The following HHAT variants were observed in gnomAD, a reference collection of about 807,000 sequenced individuals.
The protein encoded by HHAT is hedgehog acyltransferase, also known as protein-cysteine N-palmitoyltransferase HHAT.
In HHAT, 47 loss-of-function variants were observed where a neutral mutation model predicts 70.8. The observed-to-expected ratio is 0.66, with a 90% CI of 0.53 to 0.85. HHAT has a LOEUF of 0.85. Among genes scored for constraint, HHAT ranks in the 40% least tolerant of loss-of-function variants. The probability of loss-of-function intolerance (pLI) is 0.00; values close to 1 mark genes in which losing one functional copy is unlikely to be tolerated. For missense variants in HHAT, 609 were observed against 604.8 expected (o/e 1.01, Z -0.07); for synonymous variants, 228 against 247.6 (o/e 0.92, Z 0.74).
At chr1:210,475,876 C>T (rs1401867437) in intron 8 of HHAT, among the ~76,000 whole-genome samples, 1 of 150,226 alleles carries the variant, frequency 6.7e-6, no homozygotes, top group Non-Finnish European at 1.5e-5. Flanking sequence ...AAAAAAAAAT[C>T]CCTGTTAGGA....
At chr1:210,638,867 T>G (rs1672440938) in intron 11 of HHAT, among the ~76,000 whole-genome samples, 1 of 152,064 alleles carries the variant, frequency 6.6e-6, no homozygotes, top group Non-Finnish European at 1.5e-5. Flanking sequence ...ATCACACCAC[T>G]GCACCCCAGC....
chr1:210,594,959 C>A (rs1451953858), intron 10 of HHAT, among the ~76,000 whole-genome samples: 3 of 61,404 alleles, frequency 4.9e-5, no homozygotes, highest in Admixed American at 2.4e-4. Context: ...CGTTGCTTTT[C>A]AGATTCTTTT....
chr1:210,628,516 G>T lies in HHAT; in HGVS notation c.1390+4846G>T, dbSNP rs143737004. 4.8e-3 allele frequency among the ~76,000 whole-genome samples: 723 copies of T among 152,130 alleles called. 3 individuals are homozygous for T. The highest frequency in any genetic ancestry group is 8.0e-3 in the Non-Finnish European group (542 of 67,984). On this transcript the variant is annotated intron_variant, in intron 11 of 11. Coordinates refer to ENST00000261458, the MANE Select transcript of HHAT (RefSeq NM_018194.6). The stretch of plus-strand genomic sequence containing the variant: ...TGCACACGTACACACATGGATGTTT[G>T]TTTTTCCTTCTATTATCCTATCTAT...
At chr1:210,338,805 TGGTGGCA>T (rs2085742582) in intron 1 of HHAT, among the ~76,000 whole-genome samples, 1 of 152,204 alleles carries the variant, frequency 6.6e-6, no homozygotes, top group Non-Finnish European at 1.5e-5. Context: ...AGAAGAGGAC[TGGTGGCA>T]GAAGAAATCC....
rs899581300 is a variant in HHAT, at chr1:210,513,011, C to T, written c.1008-142C>T. 4 of 561,846 alleles carry T rather than the reference C, an allele frequency of 7.1e-6. No individual in the cohort carries two copies. In the East Asian group the frequency reaches 1.0e-4, roughly 14 times the overall value. The allele number at this position is 561,846 out of a possible 1,614,324, so 34.8% of individuals were successfully genotyped here. On this transcript the variant is annotated intron_variant, in intron 8 of 11. Coordinates refer to ENST00000261458, the MANE Select transcript of HHAT (RefSeq NM_018194.6). ...CAAGTTCCCAGGAATGCTGCTGCTCCAGCAGCCACATCTTGAGAACTACTG... is the reference window on the plus strand; with the variant it reads ...CAAGTTCCCAGGAATGCTGCTGCTCTAGCAGCCACATCTTGAGAACTACTG...
chr1:210,335,534 T>C (rs532868956), intron 1 of HHAT, among the ~76,000 whole-genome samples: 3 of 152,316 alleles, frequency 2.0e-5, no homozygotes, highest in African/African-American at 7.2e-5. Context: ...CCTAAGCTAC[T>C]AGATCAATAT....
chr1:210,481,871 C>A (rs781544596), intron 8 of HHAT, among the ~76,000 whole-genome samples: 1 of 152,098 alleles, frequency 6.6e-6, no homozygotes, highest in Non-Finnish European at 1.5e-5. Flanking sequence ...TTATGGGAGT[C>A]ATGTGGGTAT....
At position 210,588,095 on chromosome 1, in the gene HHAT, G is replaced by A; in HGVS notation, c.1241G>A (p.Ser414Asn). ...RLVETPCIQD[S>N]LARYFSPQAR... ...GTGGAGACTCCCTGCATCCAGGACAGTCTGGTGAGCAGGATCCTTGCTGCT... is the reference window on the plus strand; with the variant it reads ...GTGGAGACTCCCTGCATCCAGGACAATCTGGTGAGCAGGATCCTTGCTGCT... The change falls in exon 10 of 12, where the codon AGT (serine) becomes AAT (asparagine). Residue 414 changes from serine (S) to asparagine (N), a missense_variant. Coordinates refer to ENST00000261458, the MANE Select transcript of HHAT (RefSeq NM_018194.6). 6.2e-7 allele frequency: 1 copy of A among 1,601,596 alleles called. No individual in the cohort carries two copies. Among genetic ancestry groups the A allele is most frequent in the Admixed American group, 1.7e-5 (1 of 57,836 alleles).
chr1:210,586,918 G>T (rs1660571707), intron 9 of HHAT, among the ~76,000 whole-genome samples: 1 of 152,110 alleles, frequency 6.6e-6, no homozygotes, highest in Non-Finnish European at 1.5e-5. Context: ...ACATACCCAG[G>T]GGACAGCTAT....
intron 9 of HHAT, among the ~76,000 whole-genome samples, chr1:210,554,831 GCCCT>G (rs2095558164): frequency 6.6e-6 from 1 of 152,128 alleles, no homozygotes; most frequent in African/African-American, 2.4e-5. Context: ...CTAGCAATCT[GCCCT>G]CAGACCATTT....
chr1:210,379,943 T>C (rs531102539), intron 3 of HHAT, among the ~76,000 whole-genome samples: 1 of 152,114 alleles, frequency 6.6e-6, no homozygotes, highest in Non-Finnish European at 1.5e-5. Context: ...GCAGAGAAGA[T>C]CATCCACTGG....
At chr1:210,373,789 T>C (rs928849970) in intron 3 of HHAT, among the ~76,000 whole-genome samples, 24 of 152,210 alleles carry the variant, frequency 1.6e-4, no homozygotes, top group African/African-American at 5.3e-4. Flanking sequence ...AGATAGATAA[T>C]AGAATGTTAT....
At chr1:210,605,733 C>T (rs1335233916) in intron 10 of HHAT, among the ~76,000 whole-genome samples, 1 of 152,160 alleles carries the variant, frequency 6.6e-6, no homozygotes, top group African/African-American at 2.4e-5. Context: ...AACAAGCAGC[C>T]TCCATTCATC....
At position 210,528,070 on chromosome 1, in the gene HHAT, G is replaced by A. The variant is rs562622165; in HGVS notation, c.1043+14882G>A. Among the ~76,000 whole-genome samples the A allele has an allele frequency of 7.2e-5, 11 of 152,272 alleles. No homozygotes were observed. In the South Asian group the frequency reaches 1.7e-3, roughly 23 times the overall value. ...AGCAAAAAGACATGCAATTCCTACC[G>A]TCTGGGAGCTTATTATGCTTTAGGA... is the stretch of plus-strand genomic sequence containing the variant. On this transcript the variant is annotated intron_variant, in intron 9 of 11. Transcript: ENST00000261458.
At chr1:210,555,217 C>T (rs934502636) in intron 9 of HHAT, among the ~76,000 whole-genome samples, 1 of 152,146 alleles carries the variant, frequency 6.6e-6, no homozygotes, top group Non-Finnish European at 1.5e-5. Context: ...CAGAGGCTAC[C>T]TCCTTGCCAT....
chr1:210,437,389 G>C (rs761949890), intron 7 of HHAT, among the ~76,000 whole-genome samples: 1 of 151,856 alleles, frequency 6.6e-6, no homozygotes, highest in African/African-American at 2.4e-5. Context: ...GGTGAATTTG[G>C]AAAGCAGATT....
At position 210,328,904 on chromosome 1, in the gene HHAT, G is replaced by A. The variant is rs1227883495; in HGVS notation, c.-244G>A. 6.3e-6 allele frequency: 5 copies of A among 789,260 alleles called. No homozygotes were observed. Among genetic ancestry groups the A allele is most frequent in the African/African-American group, 1.8e-5 (1 of 55,874 alleles). The allele number at this position is 789,260 out of a possible 1,614,324, so 48.9% of individuals were successfully genotyped here. A position where few individuals can be genotyped will look rare whatever the true frequency, so the allele number is the denominator to read the frequency against. ...GAGTCCGGGCGCGGAGGGCGCGCGG[G>A]CACGGCGGCAGGGGCGTGCTCGGAG... On this transcript the variant is annotated 5_prime_UTR_variant, in exon 1 of 12. Coordinates refer to ENST00000261458, the MANE Select transcript of HHAT (RefSeq NM_018194.6).
At chr1:210,606,424 C>T (rs1311854797) in intron 10 of HHAT, among the ~76,000 whole-genome samples, 1 of 152,146 alleles carries the variant, frequency 6.6e-6, no homozygotes, top group African/African-American at 2.4e-5. Flanking sequence ...CCTCCTTCTT[C>T]CCAGATTCTC....
chr1:210,441,062 C>T (rs1330122206), intron 7 of HHAT, among the ~76,000 whole-genome samples: 2 of 152,226 alleles, frequency 1.3e-5, no homozygotes, highest in Non-Finnish European at 2.9e-5. Context: ...GCCACCCCCT[C>T]CTAGTGTAAC....
Sources: gnomAD v4.1 joint callset for allele counts (sites outside exome capture counted in the v4.1 genomes callset) on GRCh38, gnomAD v4.1.1 for gene constraint, MANE v1.5 for transcripts, NCBI Gene and HGNC (gene_info 2026-07-23, HGNC 2026-07-21) for gene names.